Variants in MICALL1 observed in about 807,000 individuals in gnomAD.
MICALL1 encodes the protein MICAL-like protein 1.
Under a neutral mutation model 83.7 loss-of-function variants are expected in MICALL1, and 61 were observed. That is an observed-to-expected ratio of 0.73 (90% CI 0.59 to 0.90). The LOEUF (loss-of-function observed/expected upper bound fraction) is 0.90, where lower values mean the gene tolerates loss of function less well. Among genes scored for constraint, MICALL1 ranks in the 40% least tolerant of loss-of-function variants. The pLI, the probability that MICALL1 is intolerant of heterozygous loss-of-function variation, is 0.00. For synonymous variants in MICALL1, 481 were observed against 473.6 expected (o/e 1.02, Z -0.20); for missense variants, 1,066 against 1,152.0 (o/e 0.93, Z 1.08).
At chr22:37,920,861 G>T (rs1569139983) in intron 5 of MICALL1, among the ~76,000 whole-genome samples, 1 of 152,056 alleles carries the variant, frequency 6.6e-6, no homozygotes, top group Non-Finnish European at 1.5e-5. Flanking sequence ...GGGAGGCAGA[G>T]CTTGCAGTGA....
chr22:37,926,407 C>T (rs942846540), intron 8 of MICALL1, among the ~76,000 whole-genome samples: 3 of 152,146 alleles, frequency 2.0e-5, no homozygotes, highest in African/African-American at 7.2e-5. Flanking sequence ...GGAAAGGAGG[C>T]GTTTGCTTGA....
At chr22:37,938,294 C>T (rs557754440) in intron 15 of MICALL1, among the ~76,000 whole-genome samples, 36 of 150,450 alleles carry the variant, frequency 2.4e-4, no homozygotes, top group Non-Finnish European at 4.7e-4. Flanking sequence ...CCCAGCTACT[C>T]GGGAGGCTGG....
chr22:37,936,392 C>T (rs1732427499), intron 13 of MICALL1, among the ~76,000 whole-genome samples: 1 of 152,248 alleles, frequency 6.6e-6, no homozygotes, highest in South Asian at 2.1e-4. Flanking sequence ...CTGCCCCACT[C>T]TGTCCCTCCT....
At position 37,932,683 on chromosome 22, in the gene MICALL1, C is replaced by T. The variant is rs754417741; in HGVS notation, c.2143+4C>T. 2.2e-5 allele frequency: 36 copies of T among 1,613,162 alleles called. No individual in the cohort carries two copies. The African/African-American group carries it at 2.7e-4, about 12-fold the overall frequency. On this transcript the variant is annotated splice_donor_region_variant and intron_variant, in intron 11 of 15. Transcript: ENST00000215957. This position sits in a 1 kb window ranked among gnomAD's most constrained non-coding sequence, Gnocchi z 4.4. ...AAGCTGCGTGGCGGCCTGAATGGTGCGGGAGCGGCTGGGAGGGCCTGCTGG... is the reference window on the plus strand; with the variant it reads ...AAGCTGCGTGGCGGCCTGAATGGTGTGGGAGCGGCTGGGAGGGCCTGCTGG...
At position 37,932,309 on chromosome 22, in the gene MICALL1, G is replaced by A. The variant is rs571350094; in HGVS notation, c.2017-244G>A. Among the ~76,000 whole-genome samples, 40 of 152,314 alleles carry A rather than the reference G, an allele frequency of 2.6e-4. 1 individual carries two copies. The South Asian group carries it at 7.9e-3, about 30-fold the overall frequency. On this transcript the variant is annotated intron_variant, in intron 10 of 15. Coordinates refer to ENST00000215957, the MANE Select transcript of MICALL1 (RefSeq NM_033386.4). This position sits in a 1 kb window ranked among gnomAD's most constrained non-coding sequence, Gnocchi z 4.4. ...GGAGTGGCAGAGAGGAGGCGTTTCC[G>A]TGAAGGGCAGGGAGTCATGCCACCT...
chr22:37,912,528 C>T, intron 3 of MICALL1, 36 bp downstream of exon 3: 1 of 1,557,054 alleles, frequency 6.4e-7, no homozygotes, highest in African/African-American at 1.4e-5. Context: ...GGAGGCTGGC[C>T]CAGGGGGTGG....
chr22:37,918,912 A>G (rs990551091), intron 4 of MICALL1, 124 bp from the exon 5 acceptor site: 27 of 1,225,014 alleles, frequency 2.2e-5, no homozygotes, highest in Admixed American at 1.6e-4. Context: ...GTCCATTTCC[A>G]CCACGAAGCC....
chr22:37,920,715 A>G lies in MICALL1; in HGVS notation c.570-1257A>G, dbSNP rs533821685. The stretch of plus-strand genomic sequence containing the variant: ...GGCGGGTGGATCACGAGGTCAGGAG[A>G]TCGAAGCCATCCTGGCTAACACGGT... On this transcript the variant is annotated intron_variant, in intron 5 of 15. Transcript: ENST00000215957. 2.0e-5 allele frequency among the ~76,000 whole-genome samples: 3 copies of G among 152,008 alleles called. No homozygotes were observed. In the East Asian group the frequency reaches 5.8e-4, roughly 29 times the overall value.
At chr22:37,923,731 G>A (rs959890094) in intron 6 of MICALL1, among the ~76,000 whole-genome samples, 2 of 152,170 alleles carry the variant, frequency 1.3e-5, no homozygotes, top group African/African-American at 4.8e-5. Context: ...ATGTGCCCGT[G>A]TGTCCCCGAG....
intron 5 of MICALL1, among the ~76,000 whole-genome samples, chr22:37,920,489 C>T (rs552273416): frequency 2.0e-5 from 3 of 151,732 alleles, no homozygotes; most frequent in Admixed American, 6.6e-5. Context: ...TTTTACAGGC[C>T]GGAGCTGGGT....
Position 37,906,468 on chromosome 22 carries a change from T to C in MICALL1, c.46T>C (p.Cys16Arg). The C allele has an allele frequency of 8.1e-7, 1 of 1,231,520 alleles. No homozygotes were observed. The highest frequency in any genetic ancestry group is 1.0e-6 in the Non-Finnish European group (1 of 978,126). The allele number at this position is 1,231,520 out of a possible 1,614,324, so 76.3% of individuals were successfully genotyped here. ...GALLAWCRRQCEGYRGVEIRD... is the reference protein window; with the variant it reads ...GALLAWCRRQREGYRGVEIRD... Reference sequence around the variant, plus strand: ...GCTGCTGGCCTGGTGCCGCCGCCAGTGCGAGGGCTACCGCGGCGTGGAGAT... The same window carrying C: ...GCTGCTGGCCTGGTGCCGCCGCCAGCGCGAGGGCTACCGCGGCGTGGAGAT... Residue 16 changes from cysteine to arginine, a missense_variant, in exon 1 of 16, where the codon TGC (cysteine) becomes CGC (arginine). By Grantham distance (180) the Cys-to-Arg change is radical. Transcript: ENST00000215957. This position sits in a 1 kb window ranked among gnomAD's most constrained non-coding sequence, Gnocchi z 4.4.
chr22:37,936,535 G>A (rs1165925923), intron 13 of MICALL1, among the ~76,000 whole-genome samples: 11 of 152,172 alleles, frequency 7.2e-5, no homozygotes, highest in Admixed American at 7.2e-4. Context: ...CCCCTTGCAG[G>A]GCTCTTTGGT....
chr22:37,927,313 G>A (rs1233843502), intron 8 of MICALL1, 98 bp from the exon 9 acceptor site: 17 of 1,358,482 alleles, frequency 1.3e-5, no homozygotes, highest in Non-Finnish European at 1.6e-5. Context: ...TGGGTTTCTG[G>A]GGCTGCCTGC....
At chr22:37,935,746 T>C (rs1930083424) in intron 13 of MICALL1, among the ~76,000 whole-genome samples, 5 of 150,832 alleles carry the variant, frequency 3.3e-5, no homozygotes, top group South Asian at 2.1e-4. Context: ...TTTTTTTTTT[T>C]TGAGACAGAG....
intron 1 of MICALL1, among the ~76,000 whole-genome samples, chr22:37,907,646 G>T (rs1277780390): frequency 6.6e-6 from 1 of 152,206 alleles, no homozygotes; most frequent in East Asian, 1.9e-4. Context: ...CACTGTCCGA[G>T]GGCAGCATGT....
intron 4 of MICALL1, 40 bp downstream of exon 4, chr22:37,917,835 A>AG: frequency 1.9e-6 from 3 of 1,567,100 alleles, no homozygotes; most frequent in Non-Finnish European, 2.6e-6. Context: ...CCAGGGGTGG[A>AG]GGGGGCGAGT....
In MICALL1 at chr22:37,933,058, G is replaced by A. The variant is rs770834926; in HGVS notation, c.2254G>A (p.Glu752Lys). ...LIYVFKQQNLEQRQADVEYEL... is the reference protein window; with the variant it reads ...LIYVFKQQNLKQRQADVEYEL... ...CCCTAGCTTCAAGCAGCAGAACCTG[G>A]AGCAGCGCCAGGCTGATGTCGAGTA... Residue 752 changes from glutamate (E) to lysine (K), a missense_variant, in exon 13 of 16, where the codon GAG (glutamate) becomes AAG (lysine). Coordinates refer to ENST00000215957, the MANE Select transcript of MICALL1 (RefSeq NM_033386.4). 6.2e-7 allele frequency: 1 copy of A among 1,614,014 alleles called. No homozygotes were observed. Among genetic ancestry groups the A allele is most frequent in the Non-Finnish European group, 8.5e-7 (1 of 1,180,002 alleles).
At chr22:37,912,549 G>A in intron 3 of MICALL1, 57 bp downstream of exon 3, 2 of 1,484,246 alleles carry the variant, frequency 1.3e-6, no homozygotes, top group Non-Finnish European at 1.8e-6. Context: ...CCCTGGGGAT[G>A]TCTGATGCTT....
At chr22:37,916,857 T>A (rs905669665) in intron 3 of MICALL1, among the ~76,000 whole-genome samples, 1 of 152,018 alleles carries the variant, frequency 6.6e-6, no homozygotes, top group Non-Finnish European at 1.5e-5. Context: ...CCAACCATAG[T>A]GTTATTGAAT....
Sources: allele counts gnomAD v4.1 joint callset (sites outside exome capture counted in the v4.1 genomes callset), GRCh38; gene constraint gnomAD v4.1.1; non-coding constraint Gnocchi (gnomAD v3.1); transcripts MANE v1.5; gene names NCBI Gene and HGNC (gene_info 2026-07-23, HGNC 2026-07-21).